Variants in RBM25 observed in about 807,000 individuals in gnomAD.
RBM25 encodes RNA-binding protein 25.
RBM25 carries 19 observed loss-of-function variants against 120.7 expected under a neutral mutation model. The ratio of observed to expected loss-of-function variants is 0.16; its 90% confidence interval spans 0.11 to 0.23. The LOEUF (loss-of-function observed/expected upper bound fraction) is 0.23. RBM25 is among the 10% of genes least tolerant of loss of function. RBM25 has a pLI of 1.00. For synonymous variants in RBM25, 390 were observed against 326.7 expected, an observed-to-expected ratio of 1.19 and a Z score of -2.09; for missense variants, 605 against 1,041.5, an observed-to-expected ratio of 0.58 and a Z score of 5.77.
intron 1 of RBM25, among the ~76,000 whole-genome samples, chr14:73,063,153 G>A (rs1385288921): frequency 6.7e-6 from 1 of 149,060 alleles, no homozygotes; most frequent in African/African-American, 2.5e-5. Flanking sequence ...GTGGGCTATA[G>A]AGTTTCTTTT....
Position 73,121,926 on chromosome 14 carries a change from G to A in RBM25, c.*2121G>A, listed in dbSNP as rs748962454. 13 of 151,568 alleles carry A rather than the reference G, an allele frequency of 8.6e-5. No individual in the cohort carries two copies. Among genetic ancestry groups the A allele is most frequent in the Non-Finnish European group, 1.9e-4 (13 of 67,608 alleles). The allele number at this position is 151,568 out of a possible 1,614,324, so 9.4% of individuals were successfully genotyped here. On this transcript the variant is annotated 3_prime_UTR_variant, in exon 19 of 19. Coordinates refer to ENST00000261973, the MANE Select transcript of RBM25 (RefSeq NM_021239.3). ...AATTTGTGCAAGTTCATATATTAAA[G>A]TTTCTGCAGCAGAGTGAAAATTGTT... is the stretch of plus-strand genomic sequence containing the variant.
At chr14:73,077,926 A>C (rs1337372573) in intron 4 of RBM25, among the ~76,000 whole-genome samples, 1 of 152,170 alleles carries the variant, frequency 6.6e-6, no homozygotes, top group Non-Finnish European at 1.5e-5. Flanking sequence ...AGTCCTTTGC[A>C]AGGCTGAGGC....
Position 73,083,541 on chromosome 14 carries a change from A to C in RBM25, c.372A>C (p.Gly124=). 5 of 1,579,710 alleles carry C rather than the reference A, an allele frequency of 3.2e-6. No individual in the cohort carries two copies. The highest frequency in any genetic ancestry group is 4.3e-6 in the Non-Finnish European group (5 of 1,170,870). Residue 124 remains glycine (G), a synonymous_variant, in exon 5 of 19, where the codon GGA becomes GGC. Coordinates refer to ENST00000261973, the MANE Select transcript of RBM25 (RefSeq NM_021239.3). The stretch of plus-strand genomic sequence containing the variant: ...GGAAGAGAGTACAAGGTGCTTCCGG[A>C]AAGCTTCAAGGTATGTCATTTTTTT... ...LSWKRVQGAS[G]KLQAFGFCEY...
At chr14:73,114,746 T>C (rs1896387505) in intron 18 of RBM25, among the ~76,000 whole-genome samples, 1 of 152,040 alleles carries the variant, frequency 6.6e-6, no homozygotes. Context: ...ATACAAAAAT[T>C]AGCTGTGCGT....
chr14:73,093,003 A>G (rs1430750789), intron 6 of RBM25, among the ~76,000 whole-genome samples: 1 of 152,200 alleles, frequency 6.6e-6, no homozygotes, highest in Non-Finnish European at 1.5e-5. Context: ...GACCTCTAGT[A>G]GTAAAGTATT....
At chr14:73,092,604 G>A (rs548983605) in intron 6 of RBM25, among the ~76,000 whole-genome samples, 1 of 149,730 alleles carries the variant, frequency 6.7e-6, no homozygotes, top group South Asian at 2.1e-4. Flanking sequence ...TTAAGTTTTA[G>A]GGTACATGTT....
chr14:73,073,006 A>G (rs1594900532), intron 2 of RBM25, among the ~76,000 whole-genome samples: 1 of 152,114 alleles, frequency 6.6e-6, no homozygotes, highest in East Asian at 1.9e-4. Context: ...GGCTCACTGC[A>G]GCCTTGACCT....
chr14:73,109,910 G>C (rs939379860), intron 14 of RBM25, among the ~76,000 whole-genome samples: 1 of 151,624 alleles, frequency 6.6e-6, no homozygotes, highest in Non-Finnish European at 1.5e-5. Flanking sequence ...TTTGAGATGG[G>C]GTCTCGCTGT....
rs1187339732 is a variant in RBM25, at chr14:73,108,670, A to ACAAT, written c.1542-669_1542-666dup. Among the ~76,000 whole-genome samples the ACAAT allele has an allele frequency of 3.3e-5, 5 of 152,248 alleles. No homozygotes were observed. In the East Asian group the frequency reaches 9.6e-4, roughly 29 times the overall value. On this transcript the variant is annotated intron_variant, in intron 13 of 18. Transcript: ENST00000261973. ...TTATCTCTAATTTGTCTGACATGATACAATCATAGTGAAGATATTTAATAT... is the reference window on the plus strand; with the variant it reads ...TTATCTCTAATTTGTCTGACATGATACAATCAATCATAGTGAAGATATTTAATAT...
At chr14:73,069,228 A>G (rs780381204) in intron 1 of RBM25, among the ~76,000 whole-genome samples, 1 of 152,224 alleles carries the variant, frequency 6.6e-6, no homozygotes. Context: ...GTGAACTGAC[A>G]TGAAGAGATG....
At chr14:73,109,609 C>G in intron 14 of RBM25, 117 bp downstream of exon 14, 1 of 906,902 alleles carries the variant, frequency 1.1e-6, no homozygotes, top group Non-Finnish European at 1.6e-6. Flanking sequence ...CTGGCTAACA[C>G]GGTGAAACCC....
At chr14:73,087,556 C>T (rs1305796947) in intron 5 of RBM25, among the ~76,000 whole-genome samples, 7 of 152,228 alleles carry the variant, frequency 4.6e-5, no homozygotes, top group Non-Finnish European at 1.0e-4. Flanking sequence ...CCACCGCGCC[C>T]GGCTAATTTT....
In RBM25 at chr14:73,123,188, C is replaced by A. The variant is rs362417; in HGVS notation, c.*3383C>A. On this transcript the variant is annotated 3_prime_UTR_variant, in exon 19 of 19. Coordinates refer to ENST00000261973, the MANE Select transcript of RBM25 (RefSeq NM_021239.3). ...GCGTGCTGTTTCAGGTATTAATCTGCCATGAATACTAGATATAGTAGAAAA... is the reference window on the plus strand; with the variant it reads ...GCGTGCTGTTTCAGGTATTAATCTGACATGAATACTAGATATAGTAGAAAA... The A allele has an allele frequency of 4.0e-5, 6 of 151,416 alleles. No individual in the cohort carries two copies. The highest frequency in any genetic ancestry group is 9.7e-5 in the African/African-American group (4 of 41,130). 9.4% of individuals were successfully genotyped at this position (151,416 alleles called of 1,614,324 possible). A position where few individuals can be genotyped will look rare whatever the true frequency, so the allele number is the denominator to read the frequency against.
rs999373072 is a variant in RBM25 at position 73,123,149 on chromosome 14, G to C, written c.*3344G>C. The C allele has an allele frequency of 1.3e-5, 2 of 151,798 alleles. No homozygotes were observed. The highest frequency in any genetic ancestry group is 2.9e-5 in the Non-Finnish European group (2 of 67,984). 9.4% of individuals were successfully genotyped at this position (151,798 alleles called of 1,614,324 possible). ...GTAAACTATGTAAGTGTAAGCTAAT[G>C]ATTATTTTGTGAAGCGTGCTGTTTC... is the stretch of plus-strand genomic sequence containing the variant. On this transcript the variant is annotated 3_prime_UTR_variant, in exon 19 of 19. Coordinates refer to ENST00000261973, the MANE Select transcript of RBM25 (RefSeq NM_021239.3).
intron 6 of RBM25, among the ~76,000 whole-genome samples, chr14:73,089,980 A>AT (rs1391124292): frequency 1.3e-5 from 2 of 151,928 alleles, no homozygotes; most frequent in Non-Finnish European, 2.9e-5. Context: ...CATAAGTATA[A>AT]TTTTATGAAA....
At chr14:73,060,997 A>G (rs2140417379) in intron 1 of RBM25, among the ~76,000 whole-genome samples, 1 of 151,388 alleles carries the variant, frequency 6.6e-6, no homozygotes, top group Middle Eastern at 3.4e-3. Context: ...AACACTGATA[A>G]AATACCTAAT....
chr14:73,087,508 G>C (rs1895714931), intron 5 of RBM25, among the ~76,000 whole-genome samples: 2 of 150,926 alleles, frequency 1.3e-5, no homozygotes. Context: ...CCATACTCCT[G>C]CCTCAGCCTC....
At chr14:73,112,346 C>T in intron 17 of RBM25, 96 bp downstream of exon 17, 1 of 1,200,974 alleles carries the variant, frequency 8.3e-7, no homozygotes, top group Non-Finnish European at 1.1e-6. Context: ...AGTCAAGTTC[C>T]ATGATGGTTT....
chr14:73,061,217 C>G (rs1260998130), intron 1 of RBM25, among the ~76,000 whole-genome samples: 1 of 151,090 alleles, frequency 6.6e-6, no homozygotes, highest in African/African-American at 2.4e-5. Context: ...GCCACCATGC[C>G]TGGCTAATTT....
Sources: allele counts gnomAD v4.1 joint callset (sites outside exome capture counted in the v4.1 genomes callset), GRCh38; gene constraint gnomAD v4.1.1; transcripts MANE v1.5; gene names NCBI Gene and HGNC (gene_info 2026-07-23, HGNC 2026-07-21).